Variants in NAV2 observed in about 807,000 individuals in gnomAD.
NAV2 encodes the protein neuron navigator 2, also known as helicase, APC down-regulated 1.
A neutral mutation model predicts 223.2 loss-of-function variants in NAV2; 54 were observed. The observed-to-expected ratio is 0.24, with a 90% confidence interval of 0.19 to 0.30. NAV2 has a LOEUF of 0.30. Among genes scored for constraint, NAV2 ranks in the 10% least tolerant of loss-of-function variants. The pLI is 1.00. For missense variants in NAV2, 2,806 were observed against 3,147.5 expected (o/e 0.89, Z 2.60); for synonymous variants, 1,279 against 1,239.3 (o/e 1.03, Z -0.67).
At chr11:19,800,897 TAGACA>T (rs2058213124) in intron 1 of NAV2, among the ~76,000 whole-genome samples, 1 of 152,184 alleles carries the variant, frequency 6.6e-6, no homozygotes, top group Non-Finnish European at 1.5e-5. Flanking sequence ...TTCCCCATCC[TAGACA>T]AGGCATGAGG....
intron 11 of NAV2, among the ~76,000 whole-genome samples, chr11:20,001,167 C>G (rs2052507536): frequency 6.6e-6 from 1 of 152,140 alleles, no homozygotes; most frequent in Non-Finnish European, 1.5e-5. Flanking sequence ...ATGCCTTTGC[C>G]CCCTGGGATG....
At chr11:19,967,584 G>A (rs1215118757) in intron 10 of NAV2, among the ~76,000 whole-genome samples, 2 of 152,094 alleles carry the variant, frequency 1.3e-5, no homozygotes, top group South Asian at 2.1e-4. Flanking sequence ...AGACACCAAG[G>A]TGACCATTAA....
intron 22 of NAV2, among the ~76,000 whole-genome samples, chr11:20,075,435 G>T (rs2059675490): frequency 6.6e-6 from 1 of 152,040 alleles, no homozygotes; most frequent in South Asian, 2.1e-4. Context: ...TAGAGACGGG[G>T]TTTCACCGTG....
chr11:19,623,702 G>T (rs1799041157), intron 1 of NAV2, among the ~76,000 whole-genome samples: 1 of 152,160 alleles, frequency 6.6e-6, no homozygotes, highest in Admixed American at 6.5e-5. Context: ...TCTTTGCGAT[G>T]GGTTCGAACA....
chr11:19,543,265 A>G (rs1487190), intron 1 of NAV2, among the ~76,000 whole-genome samples: 26,763 of 152,140 alleles, frequency 0.18, 3,429 homozygotes, highest in African/African-American at 0.36. Context: ...ACTGCCTGGT[A>G]TGGTAGTCAG....
intron 1 of NAV2, among the ~76,000 whole-genome samples, chr11:19,532,774 T>G (rs34700243): frequency 0.1 from 15,575 of 152,230 alleles, 869 homozygotes; most frequent in East Asian, 0.16. Context: ...GGGCAACCCC[T>G]TCTTATGACA....
At chr11:20,051,188 C>T in intron 16 of NAV2, 101 bp from the exon 17 acceptor site, 2 of 930,628 alleles carry the variant, frequency 2.1e-6, no homozygotes, top group Admixed American at 1.7e-5. Context: ...GTGATGTGCA[C>T]CTCTTTCTCC....
At chr11:19,409,759 T>C (rs1007289417) in intron 1 of NAV2, among the ~76,000 whole-genome samples, 10 of 152,198 alleles carry the variant, frequency 6.6e-5, no homozygotes, top group Middle Eastern at 3.2e-3. Flanking sequence ...ATTCTAAAGA[T>C]GAAGAAACTG....
At chr11:19,687,874 T>C (rs999198633) in intron 1 of NAV2, among the ~76,000 whole-genome samples, 1 of 152,146 alleles carries the variant, frequency 6.6e-6, no homozygotes, top group East Asian at 1.9e-4. Context: ...TGCCTCAACC[T>C]CTTGAGTTAG....
At chr11:20,108,295 A>G (rs1204114455) in intron 36 of NAV2, among the ~76,000 whole-genome samples, 2 of 152,140 alleles carry the variant, frequency 1.3e-5, no homozygotes, top group Admixed American at 1.3e-4. Context: ...CTGGGATTTG[A>G]ATCCATGCCT....
intron 1 of NAV2, among the ~76,000 whole-genome samples, chr11:19,646,487 G>T (rs1054896357): frequency 2.0e-4 from 31 of 152,168 alleles, no homozygotes; most frequent in Non-Finnish European, 5.9e-5. Flanking sequence ...GCCACACATG[G>T]CTCATGACCA....
intron 1 of NAV2, among the ~76,000 whole-genome samples, chr11:19,436,698 T>C (rs988741498): frequency 1.3e-4 from 20 of 152,204 alleles, no homozygotes; most frequent in Non-Finnish European, 2.8e-4. Context: ...ATACTAATTG[T>C]TCTACTTCAT....
intron 10 of NAV2, among the ~76,000 whole-genome samples, chr11:19,969,382 G>A (rs535042150): frequency 6.6e-6 from 1 of 152,256 alleles, no homozygotes; most frequent in South Asian, 2.1e-4. Flanking sequence ...GACCCTTTCT[G>A]TATCATTGTC....
chr11:19,777,211 G>GGAGC (rs2056319447), intron 1 of NAV2, among the ~76,000 whole-genome samples: 1 of 151,478 alleles, frequency 6.6e-6, no homozygotes. Context: ...AGGCCGGCGG[G>GGAGC]GAGCGAGCGA....
chr11:20,051,259 G>A, intron 16 of NAV2, 30 bp from the exon 17 acceptor site: 5 of 1,608,702 alleles, frequency 3.1e-6, no homozygotes, highest in Non-Finnish European at 4.3e-6. Context: ...CTGCTCTGAA[G>A]TTCTTATTTT....
chr11:19,818,589 G>C (rs916781831), intron 1 of NAV2, among the ~76,000 whole-genome samples: 8 of 152,008 alleles, frequency 5.3e-5, no homozygotes, highest in African/African-American at 1.9e-4. Flanking sequence ...TATTAAAATA[G>C]TGGCTGTAGT....
chr11:19,984,008 C>T, intron 10 of NAV2, 117 bp from the exon 11 acceptor site: 1 of 1,343,528 alleles, frequency 7.4e-7, no homozygotes. Context: ...TCAGGGAATC[C>T]TCCGTTTCTT....
chr11:20,091,136 A>C, intron 27 of NAV2, 118 bp downstream of exon 27: 1 of 1,052,246 alleles, frequency 9.5e-7, no homozygotes. Flanking sequence ...TCGCTTTCCC[A>C]GCCTTTATCT....
intron 1 of NAV2, among the ~76,000 whole-genome samples, chr11:19,744,854 C>G (rs548533709): frequency 6.6e-6 from 1 of 152,304 alleles, no homozygotes; most frequent in East Asian, 1.9e-4. Flanking sequence ...TAACTCTGCA[C>G]TGTAGACTAT....
Sources: allele counts gnomAD v4.1 joint callset (sites outside exome capture counted in the v4.1 genomes callset), GRCh38; gene constraint gnomAD v4.1.1; transcripts MANE v1.5; gene names NCBI Gene and HGNC (gene_info 2026-07-23, HGNC 2026-07-21).